The following INPP4B variants were observed in gnomAD, a reference collection of about 807,000 sequenced individuals.
INPP4B encodes the protein inositol polyphosphate 4-phosphatase type II.
Under a neutral mutation model 122.5 loss-of-function variants are expected in INPP4B, and 55 were observed. The ratio of observed to expected loss-of-function variants is 0.45; its 90% CI spans 0.36 to 0.56. The LOEUF is 0.56. Ranked by LOEUF, INPP4B falls within the 20% of genes least tolerant of loss-of-function variation. INPP4B has a pLI of 0.00. For synonymous variants in INPP4B, 403 were observed against 388.7 expected (o/e 1.04, Z -0.43); for missense variants, 1,000 against 1,097.7 (o/e 0.91, Z 1.26).
chr4:142,566,074 G>A (rs1429520245), intron 2 of INPP4B: 2 of 152,030 alleles, frequency 1.3e-5, no homozygotes, highest in Non-Finnish European at 2.9e-5. Context: ...ATATGTGTTA[G>A]AGGCACTTTC....
intron 16 of INPP4B, among the ~76,000 whole-genome samples, chr4:142,163,989 A>G (rs1821426542): frequency 6.6e-6 from 1 of 151,936 alleles, no homozygotes. Flanking sequence ...TATCGTGTAA[A>G]AAGAATAAAC....
chr4:142,370,671 A>G (rs180715629), intron 7 of INPP4B, among the ~76,000 whole-genome samples: 8 of 152,226 alleles, frequency 5.3e-5, no homozygotes, highest in African/African-American at 1.4e-4. Flanking sequence ...AGAAATCAAG[A>G]AAGCAATCCC....
chr4:142,028,904 G>C lies in INPP4B; in HGVS notation c.2653C>G (p.Arg885Gly). ...ATATTCTTCAGTACATTCTCTATGC[G>C]GCATCCTTCTCTGGTGAAAGGGGAA... is the stretch of plus-strand genomic sequence containing the variant. ...ALDCMRREGC[R>G]IENVLKNIKC... The change falls in exon 26 of 26, where the codon CGC becomes GGC. Residue 885 changes from arginine (R) to glycine (G), a missense_variant. By Grantham distance (125) the Arg-to-Gly change is moderately radical (BLOSUM62 -2). Transcript: ENST00000262992. The C allele has an allele frequency of 1.2e-6, 2 of 1,610,118 alleles. No individual in the cohort carries two copies. The highest frequency in any genetic ancestry group is 2.2e-5 in the South Asian group (2 of 90,004).
chr4:142,535,430 C>A (rs963565806), intron 2 of INPP4B, among the ~76,000 whole-genome samples: 1 of 152,192 alleles, frequency 6.6e-6, no homozygotes, highest in Non-Finnish European at 1.5e-5. Flanking sequence ...GATCCTTAGA[C>A]TTTCCTTGGG....
rs1320278291 is a variant in INPP4B, at chr4:142,200,591, T to G, written c.1073-7396A>C. ...CTTTTTATTATCATTTTTTATAATTTTATTGATCACTTATTATCACTTAAA... is the reference window on the plus strand; with the variant it reads ...CTTTTTATTATCATTTTTTATAATTGTATTGATCACTTATTATCACTTAAA... On this transcript the variant is annotated intron_variant, in intron 14 of 25. Coordinates refer to ENST00000262992, the MANE Select transcript of INPP4B (RefSeq NM_001101669.3). Among the ~76,000 whole-genome samples the G allele has an allele frequency of 2.0e-5, 3 of 152,024 alleles. No homozygotes were observed. The East Asian group carries it at 5.8e-4, about 29-fold the overall frequency.
At chr4:142,470,070 A>G (rs1818540253) in intron 2 of INPP4B, among the ~76,000 whole-genome samples, 1 of 152,120 alleles carries the variant, frequency 6.6e-6, no homozygotes, top group African/African-American at 2.4e-5. Flanking sequence ...GGAATTGATA[A>G]TTTTCACACT....
intron 10 of INPP4B, among the ~76,000 whole-genome samples, chr4:142,260,846 T>C (rs1170315858): frequency 6.6e-6 from 1 of 152,210 alleles, no homozygotes; most frequent in Non-Finnish European, 1.5e-5. Flanking sequence ...GCTAGAGATA[T>C]GTTCCTAGCA....
intron 1 of INPP4B, among the ~76,000 whole-genome samples, chr4:142,752,788 T>C (rs1769931110): frequency 2.0e-5 from 3 of 152,118 alleles, no homozygotes; most frequent in African/African-American, 7.2e-5. Context: ...AGATGTGTCT[T>C]CTTTATCAGC....
intron 5 of INPP4B, among the ~76,000 whole-genome samples, chr4:142,407,945 AC>A (rs2149217770): frequency 6.6e-6 from 1 of 152,342 alleles, no homozygotes; most frequent in East Asian, 1.9e-4. Context: ...ATCAACATTT[AC>A]CAATATCTGG....
chr4:142,257,694 G>T (rs1287727767), intron 11 of INPP4B, among the ~76,000 whole-genome samples: 2 of 152,124 alleles, frequency 1.3e-5, no homozygotes, highest in African/African-American at 2.4e-5. Context: ...CACTGCTCAA[G>T]GAAATAAAAG....
intron 25 of INPP4B, chr4:142,029,724 T>C: frequency 1.0e-6 from 1 of 990,330 alleles, no homozygotes; most frequent in Non-Finnish European, 1.2e-6. Flanking sequence ...ACAGTGGAAA[T>C]AAAGTCTGCA....
At chr4:142,666,139 A>G (rs1756012073) in intron 2 of INPP4B, among the ~76,000 whole-genome samples, 1 of 152,194 alleles carries the variant, frequency 6.6e-6, no homozygotes, top group Non-Finnish European at 1.5e-5. Context: ...ATGTGTATAT[A>G]TCTGTGTGTG....
At chr4:142,785,428 T>C (rs1210260618) in intron 1 of INPP4B, among the ~76,000 whole-genome samples, 1 of 151,850 alleles carries the variant, frequency 6.6e-6, no homozygotes, top group African/African-American at 2.4e-5. Flanking sequence ...AGGGCCTTAA[T>C]GAGAAAAGTA....
chr4:142,782,618 A>G (rs1226645391), intron 1 of INPP4B, among the ~76,000 whole-genome samples: 2 of 151,540 alleles, frequency 1.3e-5, no homozygotes, highest in Non-Finnish European at 2.9e-5. Context: ...AAGTGTTCCT[A>G]TTTCTCCACA....
At chr4:142,520,680 G>T (rs1825966653) in intron 2 of INPP4B, among the ~76,000 whole-genome samples, 1 of 151,764 alleles carries the variant, frequency 6.6e-6, no homozygotes, top group African/African-American at 2.4e-5. Context: ...TTTTAAAAGG[G>T]TTAAGTTATT....
At chr4:142,375,366 G>T (rs1462510305) in intron 7 of INPP4B, among the ~76,000 whole-genome samples, 1 of 151,510 alleles carries the variant, frequency 6.6e-6, no homozygotes, top group Admixed American at 6.6e-5. Context: ...ATTTCTCAAG[G>T]TTCTTTGATC....
intron 2 of INPP4B, among the ~76,000 whole-genome samples, chr4:142,489,541 G>A (rs919126356): frequency 1.3e-5 from 2 of 152,098 alleles, no homozygotes; most frequent in African/African-American, 4.8e-5. Flanking sequence ...TTACAGGTAT[G>A]TGCCACTACG....
intron 2 of INPP4B, among the ~76,000 whole-genome samples, chr4:142,705,111 G>A (rs950961337): frequency 3.3e-5 from 5 of 151,908 alleles, no homozygotes. Context: ...TTTTGCCTCT[G>A]ACTGTTCTTA....
At chr4:142,664,002 G>C (rs2150597255) in intron 2 of INPP4B, among the ~76,000 whole-genome samples, 1 of 152,270 alleles carries the variant, frequency 6.6e-6, no homozygotes, top group Admixed American at 6.5e-5. Flanking sequence ...GAATGACTTG[G>C]TTATCTGCAT....
Sources: allele counts gnomAD v4.1 joint callset (sites outside exome capture counted in the v4.1 genomes callset), GRCh38; gene constraint gnomAD v4.1.1; transcripts MANE v1.5; gene names NCBI Gene and HGNC (gene_info 2026-07-23, HGNC 2026-07-21).